Variants in SLC25A42 observed in about 807,000 individuals in gnomAD.
SLC25A42 encodes mitochondrial coenzyme A transporter SLC25A42.
A neutral mutation model predicts 34.7 loss-of-function variants in SLC25A42; 19 were observed. That is an observed-to-expected ratio of 0.55 (90% CI 0.38 to 0.80). The LOEUF is 0.80. SLC25A42 is among the 30% of genes least tolerant of loss of function. SLC25A42 has a pLI of 0.00. For missense variants in SLC25A42, 364 were observed against 441.3 expected (o/e 0.82, Z 1.57); for synonymous variants, 205 against 191.2 (o/e 1.07, Z -0.59).
chr19:19,075,715 C>A (rs1442243800), intron 1 of SLC25A42, among the ~76,000 whole-genome samples: 9 of 152,320 alleles, frequency 5.9e-5, no homozygotes, highest in Middle Eastern at 3.4e-3. Flanking sequence ...AAGGGTGCTT[C>A]CTGGGCTCCA....
intron 1 of SLC25A42, among the ~76,000 whole-genome samples, chr19:19,083,429 A>C (rs1221142384): frequency 6.6e-6 from 1 of 152,204 alleles, no homozygotes; most frequent in Non-Finnish European, 1.5e-5. Flanking sequence ...GCCATTATTG[A>C]GTCTAACGCA....
At chr19:19,100,455 C>A (rs1391135441) in intron 2 of SLC25A42, among the ~76,000 whole-genome samples, 4 of 152,100 alleles carry the variant, frequency 2.6e-5, no homozygotes, top group African/African-American at 7.2e-5. Context: ...CTCTGGGCCC[C>A]CTCCCTTTCC....
chr19:19,082,569 G>A (rs555906273), intron 1 of SLC25A42, among the ~76,000 whole-genome samples: 5 of 152,058 alleles, frequency 3.3e-5, no homozygotes, highest in East Asian at 1.9e-4. Context: ...TTGCCATGTC[G>A]ACCAGGCTGG....
chr19:19,071,821 G>T (rs1186902792), intron 1 of SLC25A42, among the ~76,000 whole-genome samples: 2 of 151,606 alleles, frequency 1.3e-5, no homozygotes, highest in Admixed American at 6.6e-5. Context: ...AGCCAAGATT[G>T]CACCACTGCA....
chr19:19,106,971 T>C (rs1358092851), intron 6 of SLC25A42: 2 of 137,106 alleles, frequency 1.5e-5, no homozygotes, highest in African/African-American at 2.7e-5. Context: ...AGTCTGAGAC[T>C]AGAATGCTTA....
intron 1 of SLC25A42, among the ~76,000 whole-genome samples, chr19:19,085,484 C>A (rs1321537895): frequency 6.6e-6 from 1 of 151,926 alleles, no homozygotes; most frequent in African/African-American, 2.4e-5. Flanking sequence ...GAGGTTCAAG[C>A]TCTTCTCCTG....
At chr19:19,083,041 T>C (rs2059689134) in intron 1 of SLC25A42, among the ~76,000 whole-genome samples, 1 of 152,014 alleles carries the variant, frequency 6.6e-6, no homozygotes, top group Non-Finnish European at 1.5e-5. Flanking sequence ...AGGATGGTCA[T>C]GAACTCTTGA....
chr19:19,101,930 G>T (rs1206725676), intron 3 of SLC25A42, 44 bp downstream of exon 3: 10 of 1,401,338 alleles, frequency 7.1e-6, no homozygotes, highest in Middle Eastern at 1.8e-4. Flanking sequence ...CTGCCAGGCG[G>T]TCACCTCCTC....
intron 2 of SLC25A42, among the ~76,000 whole-genome samples, chr19:19,097,414 TG>T (rs778491071): frequency 1.2e-4 from 19 of 152,322 alleles, no homozygotes; most frequent in Non-Finnish European, 2.5e-4. Context: ...GAAGAACACC[TG>T]GATATGGCTG....
chr19:19,111,237 T>G lies in SLC25A42; in HGVS notation c.*361T>G. 3.3e-6 allele frequency: 1 copy of G among 306,272 alleles called. No homozygotes were observed. 19.0% of individuals were successfully genotyped at this position (306,272 alleles called of 1,614,324 possible). A position where few individuals can be genotyped will look rare whatever the true frequency, so the allele number is the denominator to read the frequency against. On this transcript the variant is annotated 3_prime_UTR_variant, in exon 8 of 8. Transcript: ENST00000318596. ...ATGCTGCTGATTCTAGTGACCCCTGTCCCCACCAGGCTCAGAGCCAGACCG... is the reference window on the plus strand; with the variant it reads ...ATGCTGCTGATTCTAGTGACCCCTGGCCCCACCAGGCTCAGAGCCAGACCG...
chr19:19,105,499 CAG>C (rs1370048808), intron 4 of SLC25A42, 60 bp from the exon 5 acceptor site: 31 of 1,567,584 alleles, frequency 2.0e-5, no homozygotes, highest in South Asian at 1.7e-4. Flanking sequence ...CTGCTGGTCA[CAG>C]AGGCCCGCAG....
At chr19:19,077,505 C>G (rs1237134988) in intron 1 of SLC25A42, among the ~76,000 whole-genome samples, 1 of 152,192 alleles carries the variant, frequency 6.6e-6, no homozygotes, top group East Asian at 1.9e-4. Context: ...ATGACATCCC[C>G]AGGGTCCATC....
chr19:19,105,888 T>G (rs1034656205), intron 5 of SLC25A42, 161 bp downstream of exon 5: 2 of 643,200 alleles, frequency 3.1e-6, no homozygotes, highest in African/African-American at 3.7e-5. Flanking sequence ...CAGGCCCTCC[T>G]GAGGGACCCC....
intron 1 of SLC25A42, among the ~76,000 whole-genome samples, chr19:19,084,215 A>G (rs1460228062): frequency 3.9e-5 from 6 of 152,118 alleles, no homozygotes; most frequent in Non-Finnish European, 8.8e-5. Flanking sequence ...TGTTGCACAC[A>G]CCATCTCCCA....
chr19:19,105,247 C>G, intron 4 of SLC25A42: 3 of 572,328 alleles, frequency 5.2e-6, no homozygotes, highest in Non-Finnish European at 9.3e-6. Flanking sequence ...AGCTGGGATG[C>G]CAAACACCAA....
intron 4 of SLC25A42, 81 bp downstream of exon 4, chr19:19,105,019 G>A (rs2059818568): frequency 1.8e-5 from 27 of 1,535,096 alleles, no homozygotes; most frequent in Non-Finnish European, 2.3e-5. Flanking sequence ...CAGGTGGTCT[G>A]AGGAGAGTCT....
intron 7 of SLC25A42, among the ~76,000 whole-genome samples, chr19:19,110,040 T>G (rs911385598): frequency 6.6e-6 from 1 of 152,138 alleles, no homozygotes; most frequent in Non-Finnish European, 1.5e-5. Context: ...TCTGTGTTTC[T>G]GCCTTTTAAG....
intron 1 of SLC25A42, among the ~76,000 whole-genome samples, chr19:19,088,259 G>A (rs998925036): frequency 6.2e-5 from 9 of 145,500 alleles, no homozygotes; most frequent in Admixed American, 2.8e-4. Flanking sequence ...AGGCTGGAGC[G>A]TAGTGGTGTG....
intron 1 of SLC25A42, among the ~76,000 whole-genome samples, chr19:19,089,266 G>A (rs1051532244): frequency 3.9e-5 from 6 of 152,106 alleles, no homozygotes; most frequent in Non-Finnish European, 7.4e-5. Context: ...GGGGCCTCAC[G>A]CCTATAATCC....
Sources: gnomAD v4.1 joint callset for allele counts (sites outside exome capture counted in the v4.1 genomes callset) on GRCh38, gnomAD v4.1.1 for gene constraint, MANE v1.5 for transcripts, NCBI Gene and HGNC (gene_info 2026-07-23, HGNC 2026-07-21) for gene names.